PDHX: variants seen among roughly 807,000 people sequenced by gnomAD.
PDHX encodes pyruvate dehydrogenase protein X component, mitochondrial.
Under a neutral mutation model 55.3 loss-of-function variants are expected in PDHX, and 33 were observed. The ratio of observed to expected loss-of-function variants is 0.60; its 90% CI spans 0.45 to 0.80. The LOEUF is 0.80. Ranked by LOEUF, PDHX falls within the 30% of genes least tolerant of loss-of-function variation. The pLI is 0.00. For synonymous variants in PDHX, 226 were observed against 219.4 expected (o/e 1.03, Z -0.27); for missense variants, 622 against 619.9 (o/e 1.00, Z -0.04).
chr11:34,989,161 T>C (rs912592042), intron 9 of PDHX, among the ~76,000 whole-genome samples: 1 of 152,108 alleles, frequency 6.6e-6, no homozygotes, highest in Non-Finnish European at 1.5e-5. Context: ...TATAAGGAAA[T>C]AGTGATACAA....
chr11:34,927,044 G>A (rs1854042384), intron 1 of PDHX, among the ~76,000 whole-genome samples: 1 of 152,006 alleles, frequency 6.6e-6, no homozygotes. Flanking sequence ...TATGAGTCAT[G>A]AGACTTTACT....
chr11:34,931,715 T>C (rs995857530), intron 2 of PDHX, among the ~76,000 whole-genome samples: 4 of 152,090 alleles, frequency 2.6e-5, no homozygotes, highest in Non-Finnish European at 5.9e-5. Context: ...GTAAAAAATA[T>C]TTTAAGGCTT....
chr11:34,925,323 A>AG (rs1853992743), intron 1 of PDHX, among the ~76,000 whole-genome samples: 1 of 152,172 alleles, frequency 6.6e-6, no homozygotes, highest in Non-Finnish European at 1.5e-5. Flanking sequence ...GGATTAAGAG[A>AG]GGGGATCCAG....
At chr11:34,947,298 A>G (rs1181438475) in intron 2 of PDHX, among the ~76,000 whole-genome samples, 1 of 152,032 alleles carries the variant, frequency 6.6e-6, no homozygotes, top group Non-Finnish European at 1.5e-5. Flanking sequence ...ATTTATGTCC[A>G]TTATAGAGCT....
intron 1 of PDHX, among the ~76,000 whole-genome samples, chr11:34,926,056 G>A (rs1264524228): frequency 6.6e-6 from 1 of 152,052 alleles, no homozygotes. Flanking sequence ...AAACTGTTGT[G>A]CATTCATTTT....
At chr11:34,989,134 A>G (rs1335403448) in intron 9 of PDHX, among the ~76,000 whole-genome samples, 1 of 152,194 alleles carries the variant, frequency 6.6e-6, no homozygotes. Flanking sequence ...AGTACAGCCT[A>G]TTACTGTACT....
intron 4 of PDHX, 115 bp downstream of exon 4, chr11:34,957,698 G>A (rs1180945789): frequency 3.6e-6 from 3 of 827,118 alleles, no homozygotes; most frequent in Non-Finnish European, 6.0e-6. Flanking sequence ...GGAAGTTGCT[G>A]TTCTCAGCAC....
At chr11:34,984,549 T>G (rs542698893) in intron 8 of PDHX, 21 bp from the exon 9 acceptor site, 2 of 1,612,684 alleles carry the variant, frequency 1.2e-6, no homozygotes, top group Admixed American at 3.3e-5. Context: ...TTTAGTAACA[T>G]TTTTCTTTTT....
chr11:34,931,292 G>A lies in PDHX; in HGVS notation c.161-112G>A, dbSNP rs866183426. ...ACCAGTTGGGAATCTTTTAGACTTT[G>A]GAATACCTTCTTTTTCAAATTGAAT... On this transcript the variant is annotated intron_variant, in intron 1 of 10. Transcript: ENST00000227868. The A allele has an allele frequency of 3.5e-5, 25 of 704,784 alleles. 1 individual carries two copies. In the Middle Eastern group the frequency reaches 5.9e-3, roughly 168 times the overall value. 43.7% of individuals were successfully genotyped at this position (704,784 alleles called of 1,614,324 possible). A position where few individuals can be genotyped will look rare whatever the true frequency, so the allele number is the denominator to read the frequency against.
intron 1 of PDHX, among the ~76,000 whole-genome samples, chr11:34,926,802 A>G (rs1458349020): frequency 1.3e-5 from 2 of 152,084 alleles, no homozygotes; most frequent in Non-Finnish European, 2.9e-5. Flanking sequence ...GGAAGAAGAA[A>G]CTAGAATTAG....
intron 5 of PDHX, among the ~76,000 whole-genome samples, chr11:34,962,754 A>G (rs1855045790): frequency 1.3e-5 from 2 of 152,246 alleles, no homozygotes; most frequent in African/African-American, 4.8e-5. Flanking sequence ...GTGTGACAGC[A>G]GTAAAATAAA....
At chr11:34,968,299 A>T (rs896985620) in intron 6 of PDHX, among the ~76,000 whole-genome samples, 10 of 152,066 alleles carry the variant, frequency 6.6e-5, no homozygotes, top group African/African-American at 2.4e-4. Context: ...TAAGGAGGTA[A>T]ACCTTACTTT....
intron 1 of PDHX, among the ~76,000 whole-genome samples, chr11:34,922,097 T>A (rs902848442): frequency 2.0e-5 from 3 of 152,204 alleles, no homozygotes; most frequent in Admixed American, 2.0e-4. Context: ...AAGAAACATC[T>A]TCTGTTACCA....
intron 5 of PDHX, among the ~76,000 whole-genome samples, chr11:34,966,163 C>G (rs2133980282): frequency 6.6e-6 from 1 of 152,204 alleles, no homozygotes; most frequent in East Asian, 1.9e-4. Context: ...CATAAATAAG[C>G]TGATTTGCAC....
intron 2 of PDHX, among the ~76,000 whole-genome samples, chr11:34,944,458 A>T (rs1395165999): frequency 6.6e-6 from 1 of 152,166 alleles, no homozygotes; most frequent in Non-Finnish European, 1.5e-5. Context: ...TTGACTAGGG[A>T]CATCTCTTTG....
At chr11:34,981,659 C>T (rs1333032784) in intron 8 of PDHX, among the ~76,000 whole-genome samples, 7 of 152,038 alleles carry the variant, frequency 4.6e-5, no homozygotes, top group African/African-American at 1.4e-4. Context: ...CTCTCCAGCA[C>T]CTGTTGTTTC....
chr11:34,925,879 A>C (rs1210673957), intron 1 of PDHX, among the ~76,000 whole-genome samples: 1 of 152,238 alleles, frequency 6.6e-6, no homozygotes. Context: ...ATGCTCAACC[A>C]GTAAGAATAA....
intron 2 of PDHX, among the ~76,000 whole-genome samples, chr11:34,940,516 A>G (rs184477677): frequency 5.3e-5 from 8 of 152,346 alleles, no homozygotes; most frequent in Non-Finnish European, 8.8e-5. Context: ...CCATTTCACA[A>G]ATAGCTTCCT....
intron 4 of PDHX, among the ~76,000 whole-genome samples, chr11:34,959,804 A>C (rs565445774): frequency 6.6e-6 from 1 of 152,300 alleles, no homozygotes; most frequent in African/African-American, 2.4e-5. Flanking sequence ...CCAGTCACAA[A>C]ACAAATAACT....
Sources: allele counts gnomAD v4.1 joint callset (sites outside exome capture counted in the v4.1 genomes callset), GRCh38; gene constraint gnomAD v4.1.1; transcripts MANE v1.5; gene names NCBI Gene and HGNC (gene_info 2026-07-23, HGNC 2026-07-21).